The following RIC3 variants were observed in gnomAD, a reference collection of about 807,000 sequenced individuals.
RIC3 encodes protein RIC-3.
RIC3 carries 28 observed loss-of-function variants against 27.3 expected under a neutral mutation model. That is an observed-to-expected ratio of 1.02 (90% CI 0.76 to 1.41). RIC3 has a LOEUF of 1.41. RIC3 is among the 40% of genes most tolerant of loss of function. The pLI is 0.00. For missense variants in RIC3, 501 were observed against 444.7 expected, an observed-to-expected ratio of 1.13 and a Z score of -1.14; for synonymous variants, 184 against 160.4, an observed-to-expected ratio of 1.15 and a Z score of -1.11.
At chr11:8,168,787 CAG>C (rs946204377) in intron 1 of RIC3, 77 bp downstream of exon 1, 7 of 1,533,584 alleles carry the variant, frequency 4.6e-6, no homozygotes, top group African/African-American at 4.3e-5. Context: ...TGCAGACTCT[CAG>C]AGTCACCCCT....
At chr11:8,101,601 C>G, downstream of RIC3, 1 of 1,614,232 alleles carries the variant, frequency 6.2e-7, no homozygotes, top group East Asian at 2.2e-5. Flanking sequence ...GCTTCGACAG[C>G]AAGCTGGCGT....
chr11:8,163,573 C>A (rs1439739713), intron 1 of RIC3, among the ~76,000 whole-genome samples: 1 of 151,804 alleles, frequency 6.6e-6, no homozygotes, highest in Non-Finnish European at 1.5e-5. Flanking sequence ...ATTGTCTATA[C>A]ACTAAGGAAC....
intron 2 of RIC3, chr11:8,138,679 A>G (rs765112560): frequency 5.0e-5 from 14 of 278,422 alleles, no homozygotes; most frequent in Non-Finnish European, 8.6e-5. Context: ...GCTAGCCATA[A>G]TAAAGAAATC....
At chr11:8,100,171 A>G in the RIC3 span, among the ~76,000 whole-genome samples, 15 of 152,210 alleles carry the variant, frequency 9.9e-5, no homozygotes, top group African/African-American at 4.8e-5. Flanking sequence ...AAGTCTGGGT[A>G]TAATTGGAAG....
chr11:8,153,419 G>A (rs10743052), intron 1 of RIC3: 193,766 of 450,518 alleles, frequency 0.43, 44,145 homozygotes, highest in African/African-American at 0.6. Context: ...CTCACTCTTA[G>A]TTTTCTGCAA....
At position 8,152,021 on chromosome 11, in the gene RIC3, C is replaced by G. The variant is rs527288491; in HGVS notation, c.125-11828G>C. On this transcript the variant is annotated intron_variant, in intron 1 of 5. Coordinates refer to ENST00000309737, the MANE Select transcript of RIC3 (RefSeq NM_001206671.4). ...AAGGATGCTTAACACCATTCGCCACCAAGGAAATGCAAATCAAACTCACGA... is the reference window on the plus strand; with the variant it reads ...AAGGATGCTTAACACCATTCGCCACGAAGGAAATGCAAATCAAACTCACGA... Among the ~76,000 whole-genome samples the G allele has an allele frequency of 2.6e-5, 4 of 152,026 alleles. No homozygotes were observed. In the South Asian group the frequency reaches 8.3e-4, roughly 32 times the overall value.
downstream of RIC3, among the ~76,000 whole-genome samples, chr11:8,101,225 C>T (rs80278220): frequency 2.0e-5 from 3 of 152,200 alleles, no homozygotes; most frequent in African/African-American, 4.8e-5. Flanking sequence ...GTCTCAGGCA[C>T]GGGAACACCC....
At chr11:8,117,005 T>C (rs529166806) in intron 5 of RIC3, among the ~76,000 whole-genome samples, 1 of 152,280 alleles carries the variant, frequency 6.6e-6, no homozygotes, top group East Asian at 1.9e-4. Context: ...ATAGCATCAA[T>C]CTGAACATCC....
chr11:8,099,322 A>G, the RIC3 span, among the ~76,000 whole-genome samples: 7 of 152,188 alleles, frequency 4.6e-5, no homozygotes, highest in African/African-American at 1.7e-4. Context: ...GATGTCACAC[A>G]GCTCAAAAAC....
chr11:8,149,925 G>A (rs1336902522), intron 1 of RIC3, among the ~76,000 whole-genome samples: 1 of 152,124 alleles, frequency 6.6e-6, no homozygotes, highest in Non-Finnish European at 1.5e-5. Context: ...CCACAGAATG[G>A]TTCTGGCTGG....
At chr11:8,152,745 C>G (rs182327454) in intron 1 of RIC3, among the ~76,000 whole-genome samples, 48 of 151,972 alleles carry the variant, frequency 3.2e-4, no homozygotes, top group African/African-American at 1.2e-3. Context: ...TAAATTACGT[C>G]TCAATAAAGC....
At chr11:8,158,543 T>C (rs1950878449) in intron 1 of RIC3, among the ~76,000 whole-genome samples, 1 of 151,678 alleles carries the variant, frequency 6.6e-6, no homozygotes, top group African/African-American at 2.4e-5. Context: ...TGACAAGTTC[T>C]TGACCAAGTG....
intron 1 of RIC3, among the ~76,000 whole-genome samples, chr11:8,150,391 C>T (rs1950108798): frequency 6.6e-6 from 1 of 152,156 alleles, no homozygotes; most frequent in South Asian, 2.1e-4. Context: ...CAGAAAACTC[C>T]AAGATCAAGA....
chr11:8,094,124 A>C, the RIC3 span: 1 of 1,614,138 alleles, frequency 6.2e-7, no homozygotes, highest in Non-Finnish European at 8.5e-7. Flanking sequence ...AAGAGAACCA[A>C]GGCGGCAGCT....
In RIC3 at chr11:8,155,573, CA is replaced by C. The variant is rs1042820927; in HGVS notation, c.124+13292del. 4.7e-5 allele frequency among the ~76,000 whole-genome samples: 7 copies of C among 149,428 alleles called. No homozygotes were observed. In the East Asian group the frequency reaches 1.2e-3, roughly 25 times the overall value. On this transcript the variant is annotated intron_variant, in intron 1 of 5. Transcript: ENST00000309737. ...CGTAGGTGACAGTGAGACTCCGTTTCAAAAAAAAAGAAAAGAAAATGGATTT... is the reference window on the plus strand; with the variant it reads ...CGTAGGTGACAGTGAGACTCCGTTTCAAAAAAAAGAAAAGAAAATGGATTT...
At chr11:8,094,176 G>A in the RIC3 span, 1 of 1,613,154 alleles carries the variant, frequency 6.2e-7, no homozygotes, top group South Asian at 1.1e-5. Context: ...AGGAGAAGAA[G>A]GGAAAGCACA....
chr11:8,101,892 G>A (rs1253465278), downstream of RIC3: 2 of 454,644 alleles, frequency 4.4e-6, no homozygotes, highest in South Asian at 3.1e-5. Flanking sequence ...CCTTGGGGTA[G>A]TAGTGTGTTG....
chr11:8,126,864 G>A lies in RIC3; in HGVS notation c.522-57C>T, dbSNP rs757290840. 69 of 1,596,006 alleles carry A rather than the reference G, an allele frequency of 4.3e-5. No homozygotes were observed. The South Asian group carries it at 6.1e-4, about 14-fold the overall frequency. ...TGGTAAATACTCCTAGGCAATGGAC[G>A]TAAACATCACTATGGTCTGTCTGGG... On this transcript the variant is annotated intron_variant, in intron 4 of 5. Transcript: ENST00000309737.
chr11:8,148,262 A>ATAAG (rs1565090724), intron 1 of RIC3, among the ~76,000 whole-genome samples: 4 of 151,994 alleles, frequency 2.6e-5, no homozygotes, highest in African/African-American at 9.7e-5. Flanking sequence ...TTAGACAGTA[A>ATAAG]AAGGAAATCA....
Sources: allele counts gnomAD v4.1 joint callset (sites outside exome capture counted in the v4.1 genomes callset), GRCh38; gene constraint gnomAD v4.1.1; transcripts MANE v1.5; gene names NCBI Gene and HGNC (gene_info 2026-07-23, HGNC 2026-07-21).